USP13: variants seen among roughly 807,000 people sequenced by gnomAD.
The protein encoded by USP13 is ubiquitin carboxyl-terminal hydrolase 13.
USP13 carries 68 observed loss-of-function variants against 107.8 expected under a neutral mutation model. The ratio of observed to expected loss-of-function variants is 0.63; its 90% confidence interval spans 0.52 to 0.77. The LOEUF (loss-of-function observed/expected upper bound fraction) is 0.77. Ranked by LOEUF, USP13 falls within the 30% of genes least tolerant of loss-of-function variation. USP13 has a pLI of 0.00. For synonymous variants in USP13, 377 were observed against 389.5 expected (o/e 0.97, Z 0.38); for missense variants, 945 against 1,093.3 (o/e 0.86, Z 1.91).
intron 19 of USP13, among the ~76,000 whole-genome samples, chr3:179,781,086 G>A (rs1005111922): frequency 1.3e-5 from 2 of 152,120 alleles, no homozygotes; most frequent in Non-Finnish European, 2.9e-5. Flanking sequence ...GATGCAAGAG[G>A]TACCTGTTAG....
intron 6 of USP13, among the ~76,000 whole-genome samples, chr3:179,714,848 G>A (rs1713051465): frequency 6.7e-6 from 1 of 150,156 alleles, no homozygotes. Flanking sequence ...CTGTCCTGGC[G>A]GTTCTCTTTC....
At chr3:179,771,856 G>A (rs1472400723) in intron 19 of USP13, among the ~76,000 whole-genome samples, 1 of 152,200 alleles carries the variant, frequency 6.6e-6, no homozygotes, top group Non-Finnish European at 1.5e-5. Flanking sequence ...TGCATGAAAC[G>A]ATTATCTAAA....
intron 4 of USP13, among the ~76,000 whole-genome samples, chr3:179,703,588 G>C (rs1009728404): frequency 6.6e-6 from 1 of 152,122 alleles, no homozygotes; most frequent in South Asian, 2.1e-4. Context: ...TTAACAACAG[G>C]CTCCCTAGGG....
At chr3:179,726,452 G>A (rs1576955527) in intron 8 of USP13, among the ~76,000 whole-genome samples, 1 of 152,188 alleles carries the variant, frequency 6.6e-6, no homozygotes, top group Non-Finnish European at 1.5e-5. Context: ...CAAAGTAGAG[G>A]GTGTGAAATA....
At chr3:179,697,631 TG>T (rs1377424643) in intron 3 of USP13, among the ~76,000 whole-genome samples, 2 of 152,156 alleles carry the variant, frequency 1.3e-5, no homozygotes, top group Non-Finnish European at 2.9e-5. Context: ...GGGGAGAAGT[TG>T]GGGGTCCCTA....
intron 1 of USP13, among the ~76,000 whole-genome samples, chr3:179,671,645 T>C (rs906107419): frequency 6.6e-6 from 1 of 152,242 alleles, no homozygotes; most frequent in African/African-American, 2.4e-5. Flanking sequence ...GAGTGTTACA[T>C]TTCATGGAGG....
chr3:179,705,798 CT>C (rs771141700), intron 4 of USP13, among the ~76,000 whole-genome samples: 2 of 152,168 alleles, frequency 1.3e-5, no homozygotes, highest in Non-Finnish European at 2.9e-5. Flanking sequence ...TCTCAGCTCA[CT>C]ACAGCCTCTG....
At chr3:179,695,914 C>T (rs552472232) in intron 3 of USP13, among the ~76,000 whole-genome samples, 1 of 152,314 alleles carries the variant, frequency 6.6e-6, no homozygotes, top group Non-Finnish European at 1.5e-5. Flanking sequence ...ACAGTGAGCT[C>T]ACCAGGGCAC....
rs1194507358 is a variant in USP13 at position 179,653,370 on chromosome 3, T to C, written c.145T>C (p.Cys49Arg). 6.4e-7 allele frequency: 1 copy of C among 1,569,110 alleles called. No individual in the cohort carries two copies. The highest frequency in any genetic ancestry group is 8.6e-7 in the Non-Finnish European group (1 of 1,157,256). The change falls in exon 1 of 21, where the codon TGC becomes CGC. Residue 49 changes from cysteine to arginine, a missense_variant. Cys to Arg is a radical substitution (Grantham distance 180, BLOSUM62 -3). Transcript: ENST00000263966. This position sits in a 1 kb window ranked among gnomAD's most constrained non-coding sequence, Gnocchi z 4.0. Reference sequence around the variant, plus strand: ...CGGCGACAGGGTCTACAAGAACGAGTGCGCCTTCTCCTACGACTCTCCCGT... The same window carrying C: ...CGGCGACAGGGTCTACAAGAACGAGCGCGCCTTCTCCTACGACTCTCCCGT... ...RSGDRVYKNECAFSYDSPNSE... is the reference protein window; with the variant it reads ...RSGDRVYKNERAFSYDSPNSE...
chr3:179,707,935 T>C (rs1455929082), intron 5 of USP13, among the ~76,000 whole-genome samples: 1 of 152,232 alleles, frequency 6.6e-6, no homozygotes, highest in African/African-American at 2.4e-5. Flanking sequence ...AGGTGTTTAT[T>C]AGAATTAAAT....
chr3:179,694,524 C>T (rs761973270), intron 3 of USP13, among the ~76,000 whole-genome samples: 5 of 151,132 alleles, frequency 3.3e-5, no homozygotes, highest in East Asian at 2.0e-4. Flanking sequence ...AAGGGGAGGC[C>T]GGGCGCGGTG....
intron 19 of USP13, among the ~76,000 whole-genome samples, chr3:179,767,274 AT>A (rs1218356616): frequency 1.3e-5 from 2 of 152,084 alleles, no homozygotes; most frequent in Non-Finnish European, 2.9e-5. Flanking sequence ...TATTATCCCC[AT>A]TTTACAGGTG....
At chr3:179,656,821 T>A (rs921207969) in intron 1 of USP13, among the ~76,000 whole-genome samples, 1 of 151,944 alleles carries the variant, frequency 6.6e-6, no homozygotes, top group Non-Finnish European at 1.5e-5. Flanking sequence ...TCCTGGAGAG[T>A]GGGGACTTTG....
rs1217234810 is a variant in USP13, at chr3:179,749,838, C to G, written c.1710-2447C>G. ...CTGACCACAGAGCAGCTTCAAGAGT[C>G]TCAGGGATCCTGAGTCATATTTTGG... is the stretch of plus-strand genomic sequence containing the variant. On this transcript the variant is annotated intron_variant, in intron 13 of 20. Coordinates refer to ENST00000263966, the MANE Select transcript of USP13 (RefSeq NM_003940.3). 2.0e-5 allele frequency among the ~76,000 whole-genome samples: 3 copies of G among 152,302 alleles called. No individual in the cohort carries two copies. In the South Asian group the frequency reaches 6.2e-4, roughly 32 times the overall value.
At chr3:179,735,699 T>C (rs1380867376) in intron 10 of USP13, among the ~76,000 whole-genome samples, 2 of 152,176 alleles carry the variant, frequency 1.3e-5, no homozygotes, top group African/African-American at 4.8e-5. Flanking sequence ...GTAACTATAA[T>C]ACCTTCTTTC....
At chr3:179,687,251 C>T (rs1339794355) in intron 2 of USP13, among the ~76,000 whole-genome samples, 1 of 152,168 alleles carries the variant, frequency 6.6e-6, no homozygotes, top group Non-Finnish European at 1.5e-5. Flanking sequence ...CTTTGATCTG[C>T]TTTCCCTCTG....
intron 19 of USP13, among the ~76,000 whole-genome samples, chr3:179,779,902 G>A (rs1715686808): frequency 6.6e-6 from 1 of 152,060 alleles, no homozygotes; most frequent in South Asian, 2.1e-4. Flanking sequence ...ATTGTATGAA[G>A]CATTTGGATT....
rs543608259 is a variant in USP13 at position 179,721,964 on chromosome 3, G to A, written c.1088+375G>A. On this transcript the variant is annotated intron_variant, in intron 8 of 20. Coordinates refer to ENST00000263966, the MANE Select transcript of USP13 (RefSeq NM_003940.3). This position sits in a 1 kb window ranked among gnomAD's most constrained non-coding sequence, Gnocchi z 4.3. Reference sequence around the variant, plus strand: ...CACGCCTGTAATTCCAGCTACTCAGGAGGCTGAGGCAGGATCACTTGAACT... The same window carrying A: ...CACGCCTGTAATTCCAGCTACTCAGAAGGCTGAGGCAGGATCACTTGAACT... Among the ~76,000 whole-genome samples the A allele has an allele frequency of 6.6e-6, 1 of 151,656 alleles. No individual in the cohort carries two copies. Among genetic ancestry groups the A allele is most frequent in the Non-Finnish European group, 1.5e-5 (1 of 67,972 alleles).
intron 17 of USP13, 42 bp from the exon 18 acceptor site, chr3:179,763,950 CAAAAAAAAAA>C (rs556912091): frequency 1.6e-6 from 2 of 1,225,926 alleles, no homozygotes; most frequent in South Asian, 1.7e-5. Context: ...TGTTTCAGGA[CAAAAAAAAAA>C]AAAAAAAAAG....
Sources: allele counts gnomAD v4.1 joint callset (sites outside exome capture counted in the v4.1 genomes callset), GRCh38; gene constraint gnomAD v4.1.1; non-coding constraint Gnocchi (gnomAD v3.1); transcripts MANE v1.5; gene names NCBI Gene and HGNC (gene_info 2026-07-23, HGNC 2026-07-21).